Variants in ARHGEF7 observed in about 807,000 individuals in gnomAD.
ARHGEF7 encodes the protein Rho guanine nucleotide exchange factor 7.
ARHGEF7 carries 33 observed loss-of-function variants against 109.8 expected under a neutral mutation model. The ratio of observed to expected loss-of-function variants is 0.30; its 90% CI spans 0.23 to 0.40. The LOEUF (loss-of-function observed/expected upper bound fraction) is 0.40. Ranked by LOEUF, ARHGEF7 falls within the 10% of genes least tolerant of loss-of-function variation. ARHGEF7 has a pLI of 1.00. For synonymous variants in ARHGEF7, 458 were observed against 424.6 expected, an observed-to-expected ratio of 1.08 and a Z score of -0.97; for missense variants, 938 against 1,098.5, an observed-to-expected ratio of 0.85 and a Z score of 2.07.
chr13:111,217,391 G>A lies in ARHGEF7; in HGVS notation c.469-288G>A, dbSNP rs989257532. On this transcript the variant is annotated intron_variant, in intron 4 of 21. Transcript: ENST00000646102. The stretch of plus-strand genomic sequence containing the variant: ...TGTTGTCTTAACTTTTGTGACTTGT[G>A]GAGAAGTGCGTGTAGTGTGACTCTG... Among the ~76,000 whole-genome samples, 7 of 152,306 alleles carry A rather than the reference G, an allele frequency of 4.6e-5. No individual in the cohort carries two copies. The East Asian group carries it at 1.4e-3, about 29-fold the overall frequency.
chr13:111,143,186 C>G (rs1330682708), intron 1 of ARHGEF7, among the ~76,000 whole-genome samples: 1 of 152,194 alleles, frequency 6.6e-6, no homozygotes, highest in Admixed American at 6.5e-5. Flanking sequence ...GTGCCTTGGT[C>G]AAGAATAGGA....
At chr13:111,181,679 G>C (rs2078745067) in intron 2 of ARHGEF7, among the ~76,000 whole-genome samples, 1 of 152,190 alleles carries the variant, frequency 6.6e-6, no homozygotes, top group African/African-American at 2.4e-5. Flanking sequence ...GTGCCCTGAG[G>C]CATCATGGAA....
At chr13:111,125,025 G>A (rs1228617885) in intron 1 of ARHGEF7, among the ~76,000 whole-genome samples, 2 of 152,164 alleles carry the variant, frequency 1.3e-5, no homozygotes, top group Non-Finnish European at 2.9e-5. Context: ...CTCCCAAAGT[G>A]CTGGGATTAC....
chr13:111,227,452 G>T (rs1294203853), intron 5 of ARHGEF7, among the ~76,000 whole-genome samples: 1 of 152,238 alleles, frequency 6.6e-6, no homozygotes, highest in African/African-American at 2.4e-5. Context: ...TCTACAAAGA[G>T]ATTACAGCTT....
At chr13:111,198,632 G>A (rs937556706) in intron 2 of ARHGEF7, among the ~76,000 whole-genome samples, 1 of 152,162 alleles carries the variant, frequency 6.6e-6, no homozygotes, top group African/African-American at 2.4e-5. Flanking sequence ...CTTCAGGAAC[G>A]AAGCTGCAGA....
At chr13:111,259,707 C>T (rs1164092679) in intron 8 of ARHGEF7, among the ~76,000 whole-genome samples, 2 of 152,192 alleles carry the variant, frequency 1.3e-5, no homozygotes, top group Non-Finnish European at 2.9e-5. Flanking sequence ...CTTCAACGCC[C>T]AGTGCCCAGA....
chr13:111,115,643 G>A lies in ARHGEF7; in HGVS notation c.117G>A (p.Val39=), dbSNP rs1255383768. ...TGCAGGCGTCGCTGAAGGATGGGGT[G>A]GTCCTCTGCAGGCTGCTGGAGCGCC... The part of the protein sequence containing the change: ...GFLQASLKDG[V]VLCRLLERLL... Residue 39 remains valine (V), a synonymous_variant, in exon 1 of 22, where the codon GTG becomes GTA. Coordinates refer to ENST00000646102, the MANE Select transcript of ARHGEF7 (RefSeq NM_001354046.2). The A allele has an allele frequency of 2.5e-5, 35 of 1,381,818 alleles. No individual in the cohort carries two copies. In the East Asian group the frequency reaches 1.1e-3, roughly 43 times the overall value. The allele number at this position is 1,381,818 out of a possible 1,614,324, so 85.6% of individuals were successfully genotyped here.
chr13:111,134,916 T>G (rs1476655495), intron 1 of ARHGEF7, among the ~76,000 whole-genome samples: 1 of 152,252 alleles, frequency 6.6e-6, no homozygotes, highest in Non-Finnish European at 1.5e-5. Context: ...CTAGGGTTTT[T>G]ATGGTTTTAG....
intron 2 of ARHGEF7, among the ~76,000 whole-genome samples, chr13:111,201,324 A>G (rs1471580494): frequency 6.6e-6 from 1 of 152,184 alleles, no homozygotes; most frequent in African/African-American, 2.4e-5. Flanking sequence ...GGGCAAGATA[A>G]TTTTCCTAAA....
At chr13:111,127,648 GA>G (rs71206956) in intron 1 of ARHGEF7, among the ~76,000 whole-genome samples, 684 of 40,060 alleles carry the variant, frequency 0.017, 2 homozygotes, top group African/African-American at 0.052. Flanking sequence ...CTCTGTTTCA[GA>G]AAAAAAAAAA....
chr13:111,218,548 G>A (rs1275303651), intron 5 of ARHGEF7, among the ~76,000 whole-genome samples: 1 of 152,162 alleles, frequency 6.6e-6, no homozygotes, highest in Non-Finnish European at 1.5e-5. Context: ...CCCTGTAGTT[G>A]AAAAACACCG....
chr13:111,277,622 T>C lies in ARHGEF7; in HGVS notation c.1455T>C (p.Asn485=). 1 of 1,608,556 alleles carries C rather than the reference T, an allele frequency of 6.2e-7. No homozygotes were observed. Among genetic ancestry groups the C allele is most frequent in the Middle Eastern group, 1.7e-4 (1 of 6,040 alleles). ...KNERYLLLFP[N]VLLMLSASPR... ...AAAGATATCTTCTACTCTTCCCAAA[T>C]GTTTTGCTAATGTTGTCTGCCAGTC... Residue 485 remains asparagine (N), a synonymous_variant, in exon 13 of 22, where the codon AAT becomes AAC. Coordinates refer to ENST00000646102, the MANE Select transcript of ARHGEF7 (RefSeq NM_001354046.2).
chr13:111,257,026 G>A (rs188880248), intron 8 of ARHGEF7, among the ~76,000 whole-genome samples: 1 of 152,354 alleles, frequency 6.6e-6, no homozygotes, highest in Admixed American at 6.5e-5. Flanking sequence ...TGGTTCCAAA[G>A]TTGTAATAAT....
chr13:111,132,979 CATGTATATATACACGTATATGCATACAT>C (rs1418096399), intron 1 of ARHGEF7, among the ~76,000 whole-genome samples: 37 of 152,186 alleles, frequency 2.4e-4, no homozygotes, highest in African/African-American at 8.7e-4. Flanking sequence ...TCTGTACACA[CATGTATATATACACGTATATGCATACAT>C]ATTTATATAT....
At chr13:111,262,669 GA>G (rs1031132464) in intron 8 of ARHGEF7, among the ~76,000 whole-genome samples, 5 of 152,158 alleles carry the variant, frequency 3.3e-5, no homozygotes, top group Non-Finnish European at 5.9e-5. Context: ...TGTTACGGGG[GA>G]AACTGCTTAG....
rs376330683 is a variant in ARHGEF7, at chr13:111,239,734, CT to C, written c.760-4135del. Among the ~76,000 whole-genome samples the C allele has an allele frequency of 7.9e-5, 12 of 152,152 alleles. No individual in the cohort carries two copies. The East Asian group carries it at 2.1e-3, about 27-fold the overall frequency. ...TGGGCGGCGAGGTGCCTGCTGGCTT[CT>C]TTCACACCTGGCTCCCATTGTTTTT... On this transcript the variant is annotated intron_variant, in intron 6 of 21. Coordinates refer to ENST00000646102, the MANE Select transcript of ARHGEF7 (RefSeq NM_001354046.2). The surrounding 1 kb of genome is among the most constrained non-coding windows in gnomAD (Gnocchi z 4.3).
chr13:111,223,587 C>T (rs1383472285), intron 5 of ARHGEF7, among the ~76,000 whole-genome samples: 1 of 152,054 alleles, frequency 6.6e-6, no homozygotes, highest in Admixed American at 6.6e-5. Flanking sequence ...CTCTTGTGGT[C>T]GGAGATGGAA....
intron 5 of ARHGEF7, among the ~76,000 whole-genome samples, chr13:111,230,391 ATT>A: frequency 6.6e-6 from 1 of 152,220 alleles, no homozygotes; most frequent in Non-Finnish European, 1.5e-5. Context: ...AATGGCCGTA[ATT>A]TAGCCTCTTT....
intron 2 of ARHGEF7, among the ~76,000 whole-genome samples, chr13:111,186,147 C>T (rs997225527): frequency 9.9e-5 from 15 of 152,098 alleles, no homozygotes; most frequent in African/African-American, 7.2e-5. Context: ...TTCCCTGCCT[C>T]GTGTGGAGGT....
Sources: gnomAD v4.1 joint callset for allele counts (sites outside exome capture counted in the v4.1 genomes callset) on GRCh38, gnomAD v4.1.1 for gene constraint, Gnocchi (gnomAD v3.1) non-coding constraint, MANE v1.5 for transcripts, NCBI Gene and HGNC (gene_info 2026-07-23, HGNC 2026-07-21) for gene names.